The following ACVR1 variants were observed in gnomAD, a reference collection of about 807,000 sequenced individuals.
The protein encoded by ACVR1 is activin receptor type-1.
ACVR1 carries 38 observed loss-of-function variants against 57.1 expected under a neutral mutation model. The observed-to-expected ratio is 0.67, with a 90% CI of 0.51 to 0.87. The LOEUF is 0.87. Among genes scored for constraint, ACVR1 ranks in the 40% least tolerant of loss-of-function variants. The pLI, the probability that ACVR1 is intolerant of heterozygous loss-of-function variation, is 0.00. For synonymous variants in ACVR1, 212 were observed against 228.1 expected (o/e 0.93, Z 0.63); for missense variants, 463 against 638.2 (o/e 0.73, Z 2.96).
At position 157,766,316 on chromosome 2, in the gene ACVR1, A is replaced by AAT. The variant is rs1028223795; in HGVS notation, c.791-122_791-121dup. ...GTAACAAAAAGTAATTAAACTGACC[A>AAT]ATTGCCCTAAGAGGAGGTTTACAGA... On this transcript the variant is annotated intron_variant, in intron 7 of 10. Coordinates refer to ENST00000434821, the MANE Select transcript of ACVR1 (RefSeq NM_001111067.4). 17 of 1,020,686 alleles carry AAT rather than the reference A, an allele frequency of 1.7e-5. No homozygotes were observed. In the African/African-American group the frequency reaches 1.9e-4, roughly 12 times the overall value. The allele number at this position is 1,020,686 out of a possible 1,614,324, so 63.2% of individuals were successfully genotyped here. A position where few individuals can be genotyped will look rare whatever the true frequency, so the allele number is the denominator to read the frequency against.
At position 157,737,428 on chromosome 2, in the gene ACVR1, G is replaced by T; in HGVS notation, c.*103C>A. On this transcript the variant is annotated 3_prime_UTR_variant, in exon 11 of 11. Coordinates refer to ENST00000434821, the MANE Select transcript of ACVR1 (RefSeq NM_001111067.4). ...CTTGTCAAAGCAGCCATTTGGGGAGGGAGACAGATGGATTCCATTCTGACA... is the reference window on the plus strand; with the variant it reads ...CTTGTCAAAGCAGCCATTTGGGGAGTGAGACAGATGGATTCCATTCTGACA... 1 of 1,458,076 alleles carries T rather than the reference G, an allele frequency of 6.9e-7. No individual in the cohort carries two copies. The highest frequency in any genetic ancestry group is 9.4e-7 in the Non-Finnish European group (1 of 1,062,086). 90.3% of individuals were successfully genotyped at this position (1,458,076 alleles called of 1,614,324 possible). A position where few individuals can be genotyped will look rare whatever the true frequency, so the allele number is the denominator to read the frequency against.
intron 9 of ACVR1, among the ~76,000 whole-genome samples, chr2:157,757,655 C>T (rs1685486527): frequency 6.6e-6 from 1 of 151,816 alleles, no homozygotes; most frequent in African/African-American, 2.4e-5. Flanking sequence ...CAACACAAAG[C>T]TATCCTTTCC....
chr2:157,814,126 G>C (rs934737815), intron 2 of ACVR1, among the ~76,000 whole-genome samples: 1 of 152,160 alleles, frequency 6.6e-6, no homozygotes, highest in Non-Finnish European at 1.5e-5. Context: ...ATTGTTGCTT[G>C]AATAAATTGG....
rs115085899 is a variant in ACVR1 at position 157,826,802 on chromosome 2, A to G, written c.-182-8243T>C. Among the ~76,000 whole-genome samples, 107 of 131,042 alleles carry G rather than the reference A, an allele frequency of 8.2e-4. 5 individuals are homozygous for G. Among genetic ancestry groups the G allele is most frequent in the African/African-American group, 3.7e-3 (103 of 28,214 alleles). The allele number at this position is 131,042 out of a possible 152,430, so 86.0% of individuals were successfully genotyped here. ...AAAGGAAAGGAAAGGGAAAGGGAAA[A>G]GGAAAAGGAAAGGAAAGGGGAGAGG... is the stretch of plus-strand genomic sequence containing the variant. On this transcript the variant is annotated intron_variant, in intron 1 of 10. Coordinates refer to ENST00000434821, the MANE Select transcript of ACVR1 (RefSeq NM_001111067.4).
At chr2:157,834,273 A>C (rs933383291) in intron 1 of ACVR1, among the ~76,000 whole-genome samples, 1 of 152,010 alleles carries the variant, frequency 6.6e-6, no homozygotes. Flanking sequence ...TTGTGTTTTT[A>C]GCAGAGACGG....
At chr2:157,753,008 A>T (rs182645111) in intron 9 of ACVR1, among the ~76,000 whole-genome samples, 16 of 152,310 alleles carry the variant, frequency 1.1e-4, no homozygotes, top group African/African-American at 3.6e-4. Flanking sequence ...CACTGAAAAG[A>T]TACAGAATTG....
In ACVR1 at chr2:157,817,354, G is replaced by A. The variant is rs1033952764; in HGVS notation, c.-8+1031C>T. Among the ~76,000 whole-genome samples, 3 of 152,152 alleles carry A rather than the reference G, an allele frequency of 2.0e-5. No homozygotes were observed. In the East Asian group the frequency reaches 5.8e-4, roughly 29 times the overall value. On this transcript the variant is annotated intron_variant, in intron 2 of 10. Coordinates refer to ENST00000434821, the MANE Select transcript of ACVR1 (RefSeq NM_001111067.4). ...GGTAAATGCAAGGACACAGCAAAAA[G>A]CCCAGTGATTGCCAAGGGCTAGTGG...
At chr2:157,809,516 C>G (rs1293658966) in intron 2 of ACVR1, among the ~76,000 whole-genome samples, 1 of 151,950 alleles carries the variant, frequency 6.6e-6, no homozygotes, top group Non-Finnish European at 1.5e-5. Flanking sequence ...CAACAGAAAA[C>G]AAGGAGGAGA....
intron 1 of ACVR1, among the ~76,000 whole-genome samples, chr2:157,852,435 T>C (rs941572632): frequency 6.9e-6 from 1 of 145,980 alleles, no homozygotes; most frequent in Non-Finnish European, 1.5e-5. Flanking sequence ...AGGTGGAGAC[T>C]GCAGTGAACA....
At chr2:157,832,452 G>A (rs1000443710) in intron 1 of ACVR1, among the ~76,000 whole-genome samples, 2 of 152,220 alleles carry the variant, frequency 1.3e-5, no homozygotes, top group African/African-American at 2.4e-5. Context: ...TGGGATTCCA[G>A]TGATGCTTTG....
chr2:157,743,723 C>T (rs1485439609), intron 9 of ACVR1, among the ~76,000 whole-genome samples: 1 of 151,072 alleles, frequency 6.6e-6, no homozygotes, highest in Non-Finnish European at 1.5e-5. Context: ...AAAGGTTATA[C>T]ACTGACACAC....
intron 3 of ACVR1, chr2:157,790,294 C>A (rs1452873819): frequency 6.6e-6 from 1 of 152,240 alleles, no homozygotes; most frequent in African/African-American, 2.4e-5. Flanking sequence ...GAACTCTGGG[C>A]AGCCAAGAGA....
At chr2:157,805,737 C>T (rs1574086716) in intron 2 of ACVR1, among the ~76,000 whole-genome samples, 1 of 151,888 alleles carries the variant, frequency 6.6e-6, no homozygotes, top group Admixed American at 6.6e-5. Context: ...ACTTAACTAG[C>T]TAGCCACAGT....
chr2:157,774,472 C>A (rs186064759), intron 5 of ACVR1, among the ~76,000 whole-genome samples: 1 of 152,318 alleles, frequency 6.6e-6, no homozygotes, highest in Admixed American at 6.5e-5. Context: ...TCAAGTGATT[C>A]TCCTGCCTCA....
At chr2:157,848,053 A>G (rs1689177611) in intron 1 of ACVR1, among the ~76,000 whole-genome samples, 1 of 152,232 alleles carries the variant, frequency 6.6e-6, no homozygotes, top group Non-Finnish European at 1.5e-5. Flanking sequence ...AACTCAATGT[A>G]ATGTAACCTG....
intron 9 of ACVR1, among the ~76,000 whole-genome samples, chr2:157,741,735 G>A (rs932652462): frequency 3.9e-5 from 6 of 152,070 alleles, no homozygotes; most frequent in Non-Finnish European, 8.8e-5. Context: ...GCTTTAGAGG[G>A]AAGAGAACAG....
chr2:157,751,041 C>A (rs1051261474), intron 9 of ACVR1, among the ~76,000 whole-genome samples: 5 of 152,090 alleles, frequency 3.3e-5, no homozygotes, highest in Admixed American at 6.5e-5. Flanking sequence ...AGGAATATAC[C>A]AGGAAAGCTG....
chr2:157,858,072 C>G (rs1689595828), intron 1 of ACVR1, among the ~76,000 whole-genome samples: 1 of 152,014 alleles, frequency 6.6e-6, no homozygotes, highest in Non-Finnish European at 1.5e-5. Flanking sequence ...CTAGTGGTCT[C>G]CTCCCTCTCA....
chr2:157,872,765 TTTTC>T (rs375047759), intron 1 of ACVR1, among the ~76,000 whole-genome samples: 11 of 152,230 alleles, frequency 7.2e-5, no homozygotes, highest in South Asian at 2.1e-4. Flanking sequence ...ATGTGTTTAA[TTTTC>T]TTTATCATTT....
Sources: allele counts gnomAD v4.1 joint callset (sites outside exome capture counted in the v4.1 genomes callset), GRCh38; gene constraint gnomAD v4.1.1; transcripts MANE v1.5; gene names NCBI Gene and HGNC (gene_info 2026-07-23, HGNC 2026-07-21).